Variants in OXR1 observed in about 807,000 individuals in gnomAD.
OXR1 encodes oxidation resistance 1, also known as oxidation resistance protein 1.
In OXR1, 41 loss-of-function variants were observed where a neutral mutation model predicts 104.6. The observed-to-expected ratio is 0.39, with a 90% CI of 0.31 to 0.51. The LOEUF is 0.51. Ranked by LOEUF, OXR1 falls within the 20% of genes least tolerant of loss-of-function variation. The probability of loss-of-function intolerance (pLI) is 0.77; values close to 1 mark genes in which losing one functional copy is unlikely to be tolerated. For synonymous variants in OXR1, 348 were observed against 348.4 expected (o/e 1.00, Z 0.01); for missense variants, 955 against 1,031.9 (o/e 0.93, Z 1.02).
At chr8:106,539,803 G>A (rs941353833) in intron 3 of OXR1, among the ~76,000 whole-genome samples, 2 of 152,146 alleles carry the variant, frequency 1.3e-5, no homozygotes, top group South Asian at 2.1e-4. Flanking sequence ...GGTCCCTAGC[G>A]CTGAGCCAAA....
chr8:106,511,525 TCA>T (rs1028991275), intron 2 of OXR1, among the ~76,000 whole-genome samples: 4 of 142,306 alleles, frequency 2.8e-5, no homozygotes, highest in Admixed American at 7.6e-5. Context: ...TTCATACACC[TCA>T]CACACACATA....
intron 3 of OXR1, among the ~76,000 whole-genome samples, chr8:106,547,659 A>G (rs921785275): frequency 6.6e-6 from 1 of 151,784 alleles, no homozygotes. Context: ...TGCCCAGCTA[A>G]TTTTTGTACA....
chr8:106,509,254 G>A (rs73699539), intron 2 of OXR1, among the ~76,000 whole-genome samples: 3,561 of 152,216 alleles, frequency 0.023, 146 homozygotes, highest in African/African-American at 0.081. Flanking sequence ...TACATAATGT[G>A]TTCCTACTTT....
intron 3 of OXR1, among the ~76,000 whole-genome samples, chr8:106,625,266 A>G (rs1259584112): frequency 6.6e-6 from 1 of 152,140 alleles, no homozygotes; most frequent in African/African-American, 2.4e-5. Flanking sequence ...AGCTGGGAGC[A>G]GTCGTGTGTA....
At chr8:106,289,765 C>G (rs964920522) in intron 1 of OXR1, among the ~76,000 whole-genome samples, 2 of 152,032 alleles carry the variant, frequency 1.3e-5, no homozygotes, top group African/African-American at 4.8e-5. Context: ...CACCCAAATC[C>G]CATCTTGAAT....
Position 106,697,854 on chromosome 8 carries a change from C to G in OXR1, c.675+4977C>G, listed in dbSNP as rs1172430965. 4.3e-6 allele frequency: 7 copies of G among 1,612,440 alleles called. No individual in the cohort carries two copies. The East Asian group carries it at 1.1e-4, about 26-fold the overall frequency. On this transcript the variant is annotated intron_variant, in intron 7 of 16. Coordinates refer to ENST00000517566, the MANE Select transcript of OXR1 (RefSeq NM_001198533.2). ...ACACCGTGCCATCCTTGAGCCAGTT[C>G]TGGAAGTTCTCGCGTCCAGGCTGGG...
intron 3 of OXR1, among the ~76,000 whole-genome samples, chr8:106,526,603 C>T (rs985447755): frequency 7.2e-5 from 11 of 152,178 alleles, no homozygotes; most frequent in Admixed American, 2.0e-4. Flanking sequence ...AGTGCAGTGG[C>T]GCAATCTCGG....
chr8:106,530,277 C>T (rs539265536), intron 3 of OXR1, among the ~76,000 whole-genome samples: 75 of 151,918 alleles, frequency 4.9e-4, no homozygotes, highest in Non-Finnish European at 9.0e-4. Context: ...CACGTTGTAC[C>T]TAAGGATATA....
chr8:106,493,618 T>C (rs1241417524), intron 2 of OXR1, among the ~76,000 whole-genome samples: 1 of 152,212 alleles, frequency 6.6e-6, no homozygotes, highest in East Asian at 1.9e-4. Flanking sequence ...TTTTGCTCTT[T>C]TGGGACTCTC....
chr8:106,596,897 A>T (rs1247198553), intron 3 of OXR1, among the ~76,000 whole-genome samples: 3 of 151,916 alleles, frequency 2.0e-5, no homozygotes, highest in Non-Finnish European at 4.4e-5. Context: ...TACTAACAAT[A>T]CAAAAATTAT....
At chr8:106,556,345 A>G (rs1033441994) in intron 3 of OXR1, among the ~76,000 whole-genome samples, 2 of 152,180 alleles carry the variant, frequency 1.3e-5, no homozygotes, top group Non-Finnish European at 2.9e-5. Flanking sequence ...TTATGATGTC[A>G]TCAGAGAGAG....
At chr8:106,461,658 G>A (rs1248080488) in intron 2 of OXR1, among the ~76,000 whole-genome samples, 1 of 152,132 alleles carries the variant, frequency 6.6e-6, no homozygotes, top group African/African-American at 2.4e-5. Context: ...TTTAAGCCTG[G>A]AAATACAGGA....
chr8:106,426,720 G>A (rs1357202675), intron 2 of OXR1, among the ~76,000 whole-genome samples: 1 of 152,060 alleles, frequency 6.6e-6, no homozygotes, highest in African/African-American at 2.4e-5. Context: ...TTAATATGAT[G>A]ATAGTACCTA....
At chr8:106,625,683 T>C (rs1391188078) in intron 3 of OXR1, among the ~76,000 whole-genome samples, 1 of 152,162 alleles carries the variant, frequency 6.6e-6, no homozygotes, top group South Asian at 2.1e-4. Flanking sequence ...CAATCTGAAC[T>C]AGGGTAATGA....
intron 2 of OXR1, among the ~76,000 whole-genome samples, chr8:106,363,589 A>G (rs1246544450): frequency 6.6e-6 from 1 of 151,686 alleles, no homozygotes; most frequent in Non-Finnish European, 1.5e-5. Context: ...GACTCAAAAC[A>G]TGTATGATAC....
At chr8:106,487,428 T>C (rs9720184) in intron 2 of OXR1, among the ~76,000 whole-genome samples, 64,107 of 134,090 alleles carry the variant, frequency 0.48, 16,654 homozygotes, top group Non-Finnish European at 0.62. Flanking sequence ...TGATATTTTG[T>C]TTTTTTTATT....
At chr8:106,736,838 A>C (rs1192672872) in intron 11 of OXR1, among the ~76,000 whole-genome samples, 1 of 149,692 alleles carries the variant, frequency 6.7e-6, no homozygotes, top group Non-Finnish European at 1.5e-5. Flanking sequence ...AACCATAAAG[A>C]AATAAAACAG....
chr8:106,713,569 A>T (rs1394777121), intron 10 of OXR1, among the ~76,000 whole-genome samples: 3 of 151,978 alleles, frequency 2.0e-5, no homozygotes, highest in Non-Finnish European at 4.4e-5. Flanking sequence ...TATAATATAC[A>T]ACATCTGAAC....
At chr8:106,297,607 TA>T (rs1203562784) in intron 1 of OXR1, among the ~76,000 whole-genome samples, 1 of 152,172 alleles carries the variant, frequency 6.6e-6, no homozygotes, top group East Asian at 1.9e-4. Context: ...AAAGGTATAG[TA>T]AAAACACAGT....
Sources: gnomAD v4.1 joint callset for allele counts (sites outside exome capture counted in the v4.1 genomes callset) on GRCh38, gnomAD v4.1.1 for gene constraint, MANE v1.5 for transcripts, NCBI Gene and HGNC (gene_info 2026-07-23, HGNC 2026-07-21) for gene names.